The following PRSS23 variants were observed in gnomAD, a reference collection of about 807,000 sequenced individuals.
PRSS23 encodes protease, serine 23.
PRSS23 carries 25 observed loss-of-function variants against 34.7 expected under a neutral mutation model. The observed-to-expected ratio is 0.72, with a 90% CI of 0.53 to 1.01. The LOEUF (loss-of-function observed/expected upper bound fraction) is 1.01. Ranked by LOEUF, PRSS23 falls within the 50% of genes least tolerant of loss-of-function variation. The pLI is 0.00. For synonymous variants in PRSS23, 176 were observed against 186.6 expected (o/e 0.94, Z 0.46); for missense variants, 445 against 475.6 (o/e 0.94, Z 0.60).
intron 2 of PRSS23, among the ~76,000 whole-genome samples, chr11:86,894,875 GT>G (rs912534963): frequency 2.0e-5 from 3 of 152,120 alleles, no homozygotes; most frequent in African/African-American, 7.2e-5. Flanking sequence ...TCTCATTTAT[GT>G]TTTTAATGCT....
At chr11:86,839,056 T>A (rs201613787) in intron 2 of PRSS23, among the ~76,000 whole-genome samples, 1 of 144,094 alleles carries the variant, frequency 6.9e-6, no homozygotes, top group African/African-American at 2.5e-5. Context: ...AGCAAAAAAT[T>A]AAAAAAAAAA....
intron 2 of PRSS23, among the ~76,000 whole-genome samples, chr11:86,867,910 A>G (rs1215915165): frequency 1.3e-5 from 2 of 151,262 alleles, no homozygotes; most frequent in Non-Finnish European, 2.9e-5. Context: ...AGGATTTTGT[A>G]ATGTGAGTGG....
chr11:86,919,778 T>C (rs1949035941), intron 2 of PRSS23, among the ~76,000 whole-genome samples: 1 of 152,174 alleles, frequency 6.6e-6, no homozygotes, highest in African/African-American at 2.4e-5. Flanking sequence ...AGTGACACCT[T>C]GTGGTTCTCC....
intron 2 of PRSS23, chr11:86,911,387 T>C (rs1408247449): frequency 6.6e-6 from 1 of 152,130 alleles, no homozygotes; most frequent in African/African-American, 2.4e-5. Context: ...ATGCTGATGT[T>C]TGGGCTTCAA....
intron 2 of PRSS23, chr11:86,909,559 A>AT (rs1256473220): frequency 2.6e-5 from 4 of 152,258 alleles, no homozygotes; most frequent in Non-Finnish European, 4.4e-5. Flanking sequence ...TTCAAGGCTA[A>AT]GAGGAGAGGC....
intron 2 of PRSS23, among the ~76,000 whole-genome samples, chr11:86,929,232 G>A (rs1949106116): frequency 6.6e-6 from 1 of 151,310 alleles, no homozygotes; most frequent in African/African-American, 2.4e-5. Context: ...TGAGGCAGGC[G>A]AATCGCTTGA....
chr11:86,835,107 A>C (rs977167988), intron 2 of PRSS23, among the ~76,000 whole-genome samples: 5 of 152,250 alleles, frequency 3.3e-5, no homozygotes, highest in African/African-American at 1.2e-4. Flanking sequence ...GAGTTGCACA[A>C]GTGTGCAGTT....
At chr11:86,797,947 C>G (rs1947992040), upstream of PRSS23, among the ~76,000 whole-genome samples, 2 of 152,226 alleles carry the variant, frequency 1.3e-5, no homozygotes, top group Admixed American at 6.5e-5. Flanking sequence ...TCAGATGCCA[C>G]AGGCCACTCT....
downstream of PRSS23, among the ~76,000 whole-genome samples, chr11:86,816,138 G>A (rs1024925065): frequency 1.3e-5 from 2 of 152,160 alleles, no homozygotes; most frequent in Admixed American, 6.5e-5. Context: ...AAACACATCC[G>A]TGTTTTCAAC....
At chr11:86,925,181 C>T (rs1949072513) in intron 2 of PRSS23, 1 of 152,172 alleles carries the variant, frequency 6.6e-6, no homozygotes, top group Admixed American at 6.5e-5. Flanking sequence ...GATTAAATTT[C>T]TCTTGGACTG....
rs1320655016 is a variant in PRSS23 at position 86,878,947 on chromosome 11, TGCCCGGCCGCCA to T, written c.206+55355_206+55366del. ...CCGTCTAGGAAGTGAGGAGCGTCTC[TGCCCGGCCGCCA>T]TCCCGTCTAGGAAGTGAGGAGCGTC... On this transcript the variant is annotated intron_variant, in intron 2 of 2. Transcript: ENST00000533902. Among the ~76,000 whole-genome samples the T allele has an allele frequency of 3.8e-3, 495 of 131,574 alleles. 9 individuals are homozygous for T. Among genetic ancestry groups the T allele is most frequent in the Middle Eastern group, 9.3e-3 (2 of 216 alleles). The allele number at this position is 131,574 out of a possible 152,430, so 86.3% of individuals were successfully genotyped here.
At position 86,831,075 on chromosome 11, in the gene PRSS23, A is replaced by G. The variant is rs180822428; in HGVS notation, c.206+7482A>G. Among the ~76,000 whole-genome samples, 351 of 152,202 alleles carry G rather than the reference A, an allele frequency of 2.3e-3. 1 individual carries two copies. Among genetic ancestry groups the G allele is most frequent in the Non-Finnish European group, 3.8e-3 (259 of 67,978 alleles). ...GTCAACGGGGTTTACAACTTGTAATACTATTCGTAATATCCTAGGCGGATG... is the reference window on the plus strand; with the variant it reads ...GTCAACGGGGTTTACAACTTGTAATGCTATTCGTAATATCCTAGGCGGATG... On this transcript the variant is annotated intron_variant, in intron 2 of 2. Coordinates refer to the PRSS23 transcript ENST00000533902.
chr11:86,900,189 T>C (rs1590920228), intron 2 of PRSS23, among the ~76,000 whole-genome samples: 1 of 152,380 alleles, frequency 6.6e-6, no homozygotes, highest in East Asian at 1.9e-4. Context: ...AGATCTTCAA[T>C]ACTTGATTTA....
intron 2 of PRSS23, among the ~76,000 whole-genome samples, chr11:86,860,511 T>A (rs1490402191): frequency 6.6e-6 from 1 of 151,912 alleles, no homozygotes; most frequent in Non-Finnish European, 1.5e-5. Flanking sequence ...TCACAAGGGT[T>A]GTACACCCCC....
At chr11:86,951,083 C>T (rs1224806398) in intron 2 of PRSS23, 1 of 1,571,812 alleles carries the variant, frequency 6.4e-7, no homozygotes, top group East Asian at 2.2e-5. Flanking sequence ...AGTAGAATTT[C>T]CTCCAAAATG....
At chr11:86,830,187 G>T (rs542139063) in intron 2 of PRSS23, among the ~76,000 whole-genome samples, 2 of 152,074 alleles carry the variant, frequency 1.3e-5, no homozygotes, top group Admixed American at 1.3e-4. Flanking sequence ...AAGCAAGCCC[G>T]GGCAATGGTG....
chr11:86,814,291 G>T (rs1054648710), downstream of PRSS23, among the ~76,000 whole-genome samples: 4 of 152,086 alleles, frequency 2.6e-5, no homozygotes, highest in African/African-American at 9.7e-5. Context: ...GGCTTGAGAA[G>T]AGAAGAGGGC....
At chr11:86,824,379 TAAAA>T (rs1184467733) in intron 2 of PRSS23, among the ~76,000 whole-genome samples, 3 of 147,586 alleles carry the variant, frequency 2.0e-5, no homozygotes, top group African/African-American at 7.4e-5. Context: ...ATAAATAAAA[TAAAA>T]AAACAAAATG....
intron 2 of PRSS23, chr11:86,832,804 A>C: frequency 3.4e-6 from 1 of 295,128 alleles, no homozygotes; most frequent in Non-Finnish European, 6.6e-6. Flanking sequence ...TTTTATAGTA[A>C]GAGAAAATGA....
Sources: allele counts gnomAD v4.1 joint callset (sites outside exome capture counted in the v4.1 genomes callset), GRCh38; gene constraint gnomAD v4.1.1; transcripts MANE v1.5; gene names NCBI Gene and HGNC (gene_info 2026-07-23, HGNC 2026-07-21).